Variants in ATXN7L1 observed in about 807,000 individuals in gnomAD.
ATXN7L1 encodes the protein ataxin 7 like 1, also known as ataxin-7-like protein 1.
In ATXN7L1, 15 loss-of-function variants were observed where a neutral mutation model predicts 70.8. That is an observed-to-expected ratio of 0.21 (90% confidence interval 0.14 to 0.33). The LOEUF (loss-of-function observed/expected upper bound fraction) is 0.33, where lower values mean the gene tolerates loss of function less well. Ranked by LOEUF, ATXN7L1 falls within the 10% of genes least tolerant of loss-of-function variation. ATXN7L1 has a pLI of 1.00. For synonymous variants in ATXN7L1, 440 were observed against 445.1 expected (o/e 0.99, Z 0.14); for missense variants, 975 against 1,097.1 (o/e 0.89, Z 1.57).
chr7:105,625,840 A>G (rs566753446), intron 7 of ATXN7L1, among the ~76,000 whole-genome samples: 49 of 152,382 alleles, frequency 3.2e-4, no homozygotes, highest in Non-Finnish European at 5.9e-4. Flanking sequence ...GTCACAGTTA[A>G]CTGTTACTAG....
chr7:105,704,785 A>AT (rs1435552302), intron 3 of ATXN7L1, among the ~76,000 whole-genome samples: 2 of 150,968 alleles, frequency 1.3e-5, no homozygotes, highest in Non-Finnish European at 3.0e-5. Context: ...TAATTTTTGT[A>AT]TTTTTAGTAG....
intron 2 of ATXN7L1, among the ~76,000 whole-genome samples, chr7:105,833,270 C>A (rs61210960): frequency 6.6e-6 from 1 of 152,108 alleles, no homozygotes; most frequent in African/African-American, 2.4e-5. Context: ...CACAGCCCCT[C>A]ACTCACTATC....
chr7:105,697,913 G>A (rs938326088), intron 3 of ATXN7L1, among the ~76,000 whole-genome samples: 41 of 152,280 alleles, frequency 2.7e-4, no homozygotes, highest in African/African-American at 9.4e-4. Flanking sequence ...ATACTCCTCC[G>A]AGCGAAGGCA....
rs1360261616 is a variant in ATXN7L1 at position 105,662,061 on chromosome 7, TCC to T, written c.578+3003_578+3004del. On this transcript the variant is annotated intron_variant, in intron 4 of 11. Coordinates refer to ENST00000419735, the MANE Select transcript of ATXN7L1 (RefSeq NM_020725.2). ...TTCCTTCCTTCCTTCCTTCCTTCCTTCCTTCCTTCCTTCCTTCCTTCTTTCTT... is the reference window on the plus strand; with the variant it reads ...TTCCTTCCTTCCTTCCTTCCTTCCTTTTCCTTCCTTCCTTCCTTCTTTCTT... Among the ~76,000 whole-genome samples, 7 of 89,416 alleles carry T rather than the reference TCC, an allele frequency of 7.8e-5. No homozygotes were observed. In the East Asian group the frequency reaches 4.0e-3, roughly 51 times the overall value. The allele number at this position is 89,416 out of a possible 152,430, so 58.7% of individuals were successfully genotyped here.
intron 2 of ATXN7L1, among the ~76,000 whole-genome samples, chr7:105,857,741 T>C (rs547127453): frequency 1.4e-4 from 21 of 152,354 alleles, no homozygotes; most frequent in Admixed American, 5.9e-4. Context: ...TCTACCAAGA[T>C]TGGATCACAC....
At chr7:105,765,270 G>A (rs972199902) in intron 3 of ATXN7L1, among the ~76,000 whole-genome samples, 1 of 151,008 alleles carries the variant, frequency 6.6e-6, no homozygotes, top group South Asian at 2.1e-4. Context: ...GGAGGTGGAC[G>A]TTGCAGTGAC....
chr7:105,640,722 A>G (rs936262587), intron 5 of ATXN7L1, among the ~76,000 whole-genome samples: 9 of 152,222 alleles, frequency 5.9e-5, no homozygotes, highest in Non-Finnish European at 1.2e-4. Context: ...ACAGGGTCTC[A>G]CTATATTGCC....
intron 3 of ATXN7L1, among the ~76,000 whole-genome samples, chr7:105,782,241 ACAGAGATGCCTG>A (rs1803638766): frequency 6.6e-6 from 1 of 152,194 alleles, no homozygotes; most frequent in Non-Finnish European, 1.5e-5. Context: ...GCTACGAGGG[ACAGAGATGCCTG>A]CAGAGTGGAA....
At chr7:105,689,562 G>C (rs1790466902) in intron 3 of ATXN7L1, among the ~76,000 whole-genome samples, 1 of 152,162 alleles carries the variant, frequency 6.6e-6, no homozygotes, top group South Asian at 2.1e-4. Flanking sequence ...ATCATTCCTA[G>C]CTGAGATGCA....
intron 3 of ATXN7L1, among the ~76,000 whole-genome samples, chr7:105,700,178 A>C (rs972837647): frequency 2.6e-5 from 4 of 152,116 alleles, no homozygotes; most frequent in African/African-American, 9.7e-5. Context: ...TTGTGAAAGG[A>C]ATATTCCAAT....
chr7:105,710,438 C>T (rs1219836152), intron 3 of ATXN7L1, among the ~76,000 whole-genome samples: 1 of 129,824 alleles, frequency 7.7e-6, no homozygotes, highest in Non-Finnish European at 1.6e-5. Context: ...GATGGAGTCT[C>T]ACTCTGTCAC....
chr7:105,771,828 T>C (rs929516200), intron 3 of ATXN7L1, among the ~76,000 whole-genome samples: 2 of 152,148 alleles, frequency 1.3e-5, no homozygotes, highest in Non-Finnish European at 2.9e-5. Flanking sequence ...ATTAAACATA[T>C]AGATTTTAGA....
chr7:105,800,644 A>G (rs1364636983), intron 2 of ATXN7L1, among the ~76,000 whole-genome samples: 3 of 152,210 alleles, frequency 2.0e-5, no homozygotes, highest in Non-Finnish European at 2.9e-5. Flanking sequence ...CTAAAGAACC[A>G]CACAGGAAAC....
intron 3 of ATXN7L1, among the ~76,000 whole-genome samples, chr7:105,714,204 C>A (rs1031527175): frequency 2.6e-5 from 4 of 152,222 alleles, no homozygotes; most frequent in African/African-American, 9.6e-5. Context: ...GAATTTCAAT[C>A]CAAATGCTAT....
chr7:105,658,005 A>G (rs1800951463), intron 4 of ATXN7L1, among the ~76,000 whole-genome samples: 1 of 152,200 alleles, frequency 6.6e-6, no homozygotes. Context: ...AGACTTATGA[A>G]AAGAAAATAA....
At chr7:105,766,326 G>A (rs895317223) in intron 3 of ATXN7L1, among the ~76,000 whole-genome samples, 2 of 152,066 alleles carry the variant, frequency 1.3e-5, no homozygotes, top group African/African-American at 2.4e-5. Context: ...AAACTGAAAT[G>A]TATGCACCTT....
At chr7:105,853,424 G>T (rs1815194102) in intron 2 of ATXN7L1, among the ~76,000 whole-genome samples, 1 of 152,102 alleles carries the variant, frequency 6.6e-6, no homozygotes, top group Admixed American at 6.5e-5. Flanking sequence ...CGTGGTGGCA[G>T]GTGCCTATAA....
At chr7:105,664,575 G>GTGTGTGTGTGTATATATATATATATATA in intron 4 of ATXN7L1, among the ~76,000 whole-genome samples, 1 of 131,990 alleles carries the variant, frequency 7.6e-6, no homozygotes, top group African/African-American at 2.8e-5. Context: ...GTATGTGTGT[G>GTGTGTGTGTGTATATATATATATATATA]TATATATATA....
chr7:105,646,319 C>T lies in ATXN7L1; in HGVS notation c.579-3198G>A, dbSNP rs79661396. The stretch of plus-strand genomic sequence containing the variant: ...CAACTCCCCCCTGACCCCACTGGCA[C>T]CCCCCAAACCCAAACATATTGGCCA... On this transcript the variant is annotated intron_variant, in intron 4 of 11. Transcript: ENST00000419735. Among the ~76,000 whole-genome samples the T allele has an allele frequency of 8.4e-3, 1,275 of 151,618 alleles. 15 individuals carry two copies. Among genetic ancestry groups the T allele is most frequent in the African/African-American group, 0.03 (1,219 of 41,312 alleles).
Sources: gnomAD v4.1 joint callset for allele counts (sites outside exome capture counted in the v4.1 genomes callset) on GRCh38, gnomAD v4.1.1 for gene constraint, MANE v1.5 for transcripts, NCBI Gene and HGNC (gene_info 2026-07-23, HGNC 2026-07-21) for gene names.